Variants in CHN1 observed in about 807,000 individuals in gnomAD.
CHN1 encodes the protein N-chimaerin.
A neutral mutation model predicts 59.5 loss-of-function variants in CHN1; 37 were observed. The ratio of observed to expected loss-of-function variants is 0.62; its 90% CI spans 0.48 to 0.82. The LOEUF (loss-of-function observed/expected upper bound fraction) is 0.82. Ranked by LOEUF, CHN1 falls within the 40% of genes least tolerant of loss-of-function variation. CHN1 has a pLI of 0.00. For synonymous variants in CHN1, 206 were observed against 200.4 expected, an observed-to-expected ratio of 1.03 and a Z score of -0.24; for missense variants, 469 against 571.0, an observed-to-expected ratio of 0.82 and a Z score of 1.82.
chr2:174,860,577 G>T (rs927012796), intron 6 of CHN1, among the ~76,000 whole-genome samples: 1 of 151,964 alleles, frequency 6.6e-6, no homozygotes, highest in African/African-American at 2.4e-5. Flanking sequence ...TATATGCTAG[G>T]CACTAATGAA....
In CHN1 at chr2:174,893,920, T is replaced by A. The variant is rs377182981; in HGVS notation, c.261-15792A>T. ...AACAGTGTTGGGAAATCTAGATATC[T>A]ATATGCAAAGGAATCATCTGTATAC... is the stretch of plus-strand genomic sequence containing the variant. On this transcript the variant is annotated intron_variant, in intron 5 of 12. Coordinates refer to ENST00000409900, the MANE Select transcript of CHN1 (RefSeq NM_001822.7). 7.8e-4 allele frequency among the ~76,000 whole-genome samples: 119 copies of A among 152,214 alleles called. 3 individuals carry two copies. In the South Asian group the frequency reaches 0.023, roughly 30 times the overall value.
chr2:174,874,820 C>T (rs553286644), intron 6 of CHN1, among the ~76,000 whole-genome samples: 4 of 151,292 alleles, frequency 2.6e-5, no homozygotes, highest in African/African-American at 7.3e-5. Context: ...TCATGAATAA[C>T]GCAGAGAAGG....
intron 7 of CHN1, among the ~76,000 whole-genome samples, chr2:174,842,615 G>A (rs1686352725): frequency 6.6e-6 from 1 of 152,024 alleles, no homozygotes; most frequent in Admixed American, 6.6e-5. Flanking sequence ...AAGACCAAAG[G>A]GGGCTTGGAT....
intron 7 of CHN1, among the ~76,000 whole-genome samples, chr2:174,834,074 G>A (rs911423842): frequency 5.3e-5 from 8 of 152,142 alleles, no homozygotes; most frequent in African/African-American, 1.9e-4. Flanking sequence ...CCAGAGTGCT[G>A]GAATTACAGG....
At chr2:174,920,889 G>C in intron 3 of CHN1, 1 of 413,726 alleles carries the variant, frequency 2.4e-6, no homozygotes, top group Non-Finnish European at 4.9e-6. Flanking sequence ...CCCTGAGCTT[G>C]TTTTCCTGCA....
intron 5 of CHN1, among the ~76,000 whole-genome samples, chr2:174,913,135 TATAAG>T (rs1438297313): frequency 6.6e-6 from 1 of 152,204 alleles, no homozygotes; most frequent in Non-Finnish European, 1.5e-5. Context: ...GTGTGACAGA[TATAAG>T]ATGACAGGCA....
chr2:174,862,464 C>G (rs1468918057), intron 6 of CHN1, among the ~76,000 whole-genome samples: 1 of 152,008 alleles, frequency 6.6e-6, no homozygotes, highest in East Asian at 1.9e-4. Flanking sequence ...TCCCGAGTAG[C>G]TGGGACTGCA....
intron 5 of CHN1, among the ~76,000 whole-genome samples, chr2:174,881,156 G>A (rs372330502): frequency 6.6e-6 from 1 of 151,862 alleles, no homozygotes; most frequent in African/African-American, 2.4e-5. Context: ...ACAAAACCAA[G>A]TGAATCCAGT....
At chr2:174,872,030 C>T (rs946779070) in intron 6 of CHN1, among the ~76,000 whole-genome samples, 1 of 152,056 alleles carries the variant, frequency 6.6e-6, no homozygotes, top group Admixed American at 6.5e-5. Flanking sequence ...GTCTGTAATC[C>T]CAGCACTTCA....
In CHN1 at chr2:174,907,815, T is replaced by C. The variant is rs1367013308; in HGVS notation, c.260+7243A>G. Among the ~76,000 whole-genome samples the C allele has an allele frequency of 3.3e-5, 5 of 152,146 alleles. No individual in the cohort carries two copies. The South Asian group carries it at 1.0e-3, about 32-fold the overall frequency. On this transcript the variant is annotated intron_variant, in intron 5 of 12. Coordinates refer to ENST00000409900, the MANE Select transcript of CHN1 (RefSeq NM_001822.7). ...ACGAAATTTTATATAAGTAGTATGA[T>C]ACTATACATACTATTCTGTATAATA...
rs544504096 is a variant in CHN1, at chr2:174,838,457, T to G, written c.627+8423A>C. On this transcript the variant is annotated intron_variant, in intron 7 of 12. Transcript: ENST00000409900. ...TTGACACAGTGGGTCACAAAAAAGATGAAGTATGATAGCACATTTTGTCAG... is the reference window on the plus strand; with the variant it reads ...TTGACACAGTGGGTCACAAAAAAGAGGAAGTATGATAGCACATTTTGTCAG... Among the ~76,000 whole-genome samples, 14 of 152,204 alleles carry G rather than the reference T, an allele frequency of 9.2e-5. No homozygotes were observed. The South Asian group carries it at 2.7e-3, about 29-fold the overall frequency.
intron 1 of CHN1, among the ~76,000 whole-genome samples, chr2:174,957,701 G>A (rs1690258250): frequency 6.6e-6 from 1 of 152,082 alleles, no homozygotes; most frequent in Non-Finnish European, 1.5e-5. Flanking sequence ...AAGAGGTGGT[G>A]ACCAGGTACC....
chr2:174,819,924 T>C (rs1685424131), intron 8 of CHN1, among the ~76,000 whole-genome samples: 1 of 150,508 alleles, frequency 6.6e-6, no homozygotes. Context: ...GTTTGGTTTT[T>C]TGTCCTTGCG....
At chr2:174,924,701 A>C (rs1165015182) in intron 3 of CHN1, among the ~76,000 whole-genome samples, 2 of 152,242 alleles carry the variant, frequency 1.3e-5, no homozygotes, top group African/African-American at 4.8e-5. Flanking sequence ...TAATTAAGGA[A>C]TTTGTAATAT....
At chr2:174,980,411 T>C (rs1028957891) in intron 1 of CHN1, among the ~76,000 whole-genome samples, 2 of 152,200 alleles carry the variant, frequency 1.3e-5, no homozygotes, top group African/African-American at 4.8e-5. Context: ...TCTTTGCCGC[T>C]GTGAGCTCCT....
At chr2:174,832,603 T>C (rs1228209750) in intron 7 of CHN1, among the ~76,000 whole-genome samples, 1 of 152,132 alleles carries the variant, frequency 6.6e-6, no homozygotes, top group Non-Finnish European at 1.5e-5. Flanking sequence ...AATTTATAAG[T>C]ATGTGGGAAA....
chr2:174,993,059 C>T (rs192152422), intron 1 of CHN1, among the ~76,000 whole-genome samples: 4 of 152,150 alleles, frequency 2.6e-5, no homozygotes, highest in Admixed American at 1.3e-4. Context: ...CAAACTGCTG[C>T]GATTACAGGC....
intron 1 of CHN1, among the ~76,000 whole-genome samples, chr2:174,957,957 C>T (rs552990947): frequency 2.6e-5 from 4 of 152,192 alleles, no homozygotes; most frequent in East Asian, 3.9e-4. Context: ...CTCTGAACAC[C>T]GAGGCCGGGA....
intron 5 of CHN1, among the ~76,000 whole-genome samples, chr2:174,885,489 G>A (rs563206085): frequency 6.6e-5 from 10 of 152,016 alleles, no homozygotes; most frequent in African/African-American, 2.2e-4. Flanking sequence ...GAGTAAATAA[G>A]TGATATACAA....
Sources: gnomAD v4.1 joint callset for allele counts (sites outside exome capture counted in the v4.1 genomes callset) on GRCh38, gnomAD v4.1.1 for gene constraint, MANE v1.5 for transcripts, NCBI Gene and HGNC (gene_info 2026-07-23, HGNC 2026-07-21) for gene names.